Variants in PHF21B observed in about 807,000 individuals in gnomAD.
The protein encoded by PHF21B is PHD finger protein 4.
Under a neutral mutation model 62.2 loss-of-function variants are expected in PHF21B, and 22 were observed. The observed-to-expected ratio is 0.35, with a 90% CI of 0.25 to 0.51. The LOEUF is 0.51. Ranked by LOEUF, PHF21B falls within the 20% of genes least tolerant of loss-of-function variation. PHF21B has a pLI of 0.97. For synonymous variants in PHF21B, 341 were observed against 314.7 expected (o/e 1.08, Z -0.88); for missense variants, 701 against 707.9 (o/e 0.99, Z 0.11).
In PHF21B at chr22:44,960,006, G is replaced by A. The variant is rs367995631; in HGVS notation, c.121-39516C>T. On this transcript the variant is annotated intron_variant, in intron 2 of 12. Transcript: ENST00000313237. Reference sequence around the variant, plus strand: ...CTCCACCCCAGAGAGCGGGCCCTCCGCTGTGTGACCTCAGCACCGGACGTG... The same window carrying A: ...CTCCACCCCAGAGAGCGGGCCCTCCACTGTGTGACCTCAGCACCGGACGTG... 2.2e-4 allele frequency among the ~76,000 whole-genome samples: 33 copies of A among 152,348 alleles called. No homozygotes were observed. The East Asian group carries it at 2.5e-3, about 12-fold the overall frequency.
intron 2 of PHF21B, among the ~76,000 whole-genome samples, chr22:44,982,618 T>G (rs568242987): frequency 1.3e-5 from 2 of 152,284 alleles, no homozygotes; most frequent in South Asian, 4.1e-4. Context: ...GAGACGCACA[T>G]AACCAAGAAG....
intron 2 of PHF21B, among the ~76,000 whole-genome samples, chr22:44,955,949 C>T (rs976698217): frequency 4.6e-5 from 7 of 152,198 alleles, no homozygotes; most frequent in African/African-American, 9.6e-5. Flanking sequence ...GCTGAGGGCA[C>T]GCACTTCCCT....
At chr22:44,909,665 C>A (rs565393352) in intron 5 of PHF21B, among the ~76,000 whole-genome samples, 2 of 152,258 alleles carry the variant, frequency 1.3e-5, no homozygotes, top group Admixed American at 6.5e-5. Context: ...GTCTTCACCC[C>A]CTACTGCAGT....
intron 4 of PHF21B, 56 bp from the exon 5 acceptor site, chr22:44,914,144 G>A: frequency 1.7e-6 from 1 of 581,792 alleles, no homozygotes. Flanking sequence ...GGGGGCTGGG[G>A]AGGTAGCTGG....
chr22:44,992,357 CGCACT>C (rs2073055109), intron 2 of PHF21B, among the ~76,000 whole-genome samples: 1 of 152,210 alleles, frequency 6.6e-6, no homozygotes. Flanking sequence ...GCAGCGTGGA[CGCACT>C]CAATGCCAGG....
At chr22:44,996,140 C>T (rs895881013) in intron 2 of PHF21B, among the ~76,000 whole-genome samples, 7 of 152,158 alleles carry the variant, frequency 4.6e-5, no homozygotes, top group African/African-American at 1.4e-4. Flanking sequence ...GGCCATGCTG[C>T]CCCCAGCTGA....
At chr22:44,973,850 C>T (rs1432375984) in intron 2 of PHF21B, among the ~76,000 whole-genome samples, 1 of 152,172 alleles carries the variant, frequency 6.6e-6, no homozygotes, top group African/African-American at 2.4e-5. Context: ...ACTGGGAAGT[C>T]AGGGAAGACT....
intron 2 of PHF21B, among the ~76,000 whole-genome samples, chr22:44,948,655 C>T (rs1199671680): frequency 2.0e-5 from 3 of 149,808 alleles, no homozygotes; most frequent in Non-Finnish European, 4.4e-5. Context: ...TGTGCCACTG[C>T]ACTCCAGCAT....
chr22:44,934,308 A>C (rs2071802356), intron 2 of PHF21B, among the ~76,000 whole-genome samples: 1 of 152,158 alleles, frequency 6.6e-6, no homozygotes, highest in African/African-American at 2.4e-5. Context: ...GTACCCAGCC[A>C]CCCATCACCG....
intron 10 of PHF21B, 48 bp downstream of exon 10, chr22:44,887,915 G>A (rs1399477206): frequency 2.2e-5 from 30 of 1,388,512 alleles, no homozygotes; most frequent in Non-Finnish European, 2.3e-5. Context: ...CCTACGGTGG[G>A]GACCTCCATG....
At chr22:44,958,131 G>C (rs761345720) in intron 2 of PHF21B, among the ~76,000 whole-genome samples, 6 of 152,096 alleles carry the variant, frequency 3.9e-5, no homozygotes, top group Admixed American at 2.0e-4. Context: ...TCGAACTCCC[G>C]ACCTCAGGTG....
chr22:44,989,388 C>T (rs2073005746), intron 2 of PHF21B: 1 of 152,122 alleles, frequency 6.6e-6, no homozygotes, highest in South Asian at 2.1e-4. Flanking sequence ...AGCCCTCAAA[C>T]CTCGCTTTTT....
At chr22:44,965,759 C>T (rs1046351047) in intron 2 of PHF21B, among the ~76,000 whole-genome samples, 13 of 152,216 alleles carry the variant, frequency 8.5e-5, no homozygotes, top group Admixed American at 3.9e-4. Context: ...GACTGCCACA[C>T]TGGAGCCACT....
intron 2 of PHF21B, among the ~76,000 whole-genome samples, chr22:44,943,580 T>C (rs1450237582): frequency 6.6e-6 from 1 of 152,046 alleles, no homozygotes. Flanking sequence ...CCGCGGGCTC[T>C]AGAGTCCTGG....
In PHF21B at chr22:44,914,118, G is replaced by A. The variant is rs563951685; in HGVS notation, c.565-30C>T. The A allele has an allele frequency of 2.6e-4, 176 of 668,678 alleles. No individual in the cohort carries two copies. The East Asian group carries it at 4.0e-3, about 15-fold the overall frequency. 41.4% of individuals were successfully genotyped at this position (668,678 alleles called of 1,614,324 possible). On this transcript the variant is annotated intron_variant, in intron 4 of 12. Transcript: ENST00000313237. Reference sequence around the variant, plus strand: ...AGAGCGAGGGTGAGGGGCACAGGGAGGAAGGGAAGAGTGAGGGGGGCTGGG... The same window carrying A: ...AGAGCGAGGGTGAGGGGCACAGGGAAGAAGGGAAGAGTGAGGGGGGCTGGG...
Position 44,883,112 on chromosome 22 carries a change from C to G in PHF21B, c.1570G>C (p.Val524Leu). The change falls in exon 13 of 13, where the codon GTC becomes CTC. Residue 524 changes from valine to leucine, a missense_variant. By Grantham distance (32) the Val-to-Leu change is conservative. Transcript: ENST00000313237. ...CAGTTGTGGCCCTGGGGGTGCTGGACGGTGGGGTGTGTGGCTGCCACTGAG... is the reference window on the plus strand; with the variant it reads ...CAGTTGTGGCCCTGGGGGTGCTGGAGGGTGGGGTGTGTGGCTGCCACTGAG... ...KPSVAATHPT[V>L]QHPQGHN 1 of 1,611,748 alleles carries G rather than the reference C, an allele frequency of 6.2e-7. No homozygotes were observed.
At chr22:44,929,876 G>A (rs919920839) in intron 2 of PHF21B, among the ~76,000 whole-genome samples, 1 of 152,194 alleles carries the variant, frequency 6.6e-6, no homozygotes, top group Non-Finnish European at 1.5e-5. Flanking sequence ...CTGGAGGGAG[G>A]GGAGGCGACA....
At chr22:44,917,056 T>G (rs754934904) in intron 3 of PHF21B, among the ~76,000 whole-genome samples, 49 of 152,334 alleles carry the variant, frequency 3.2e-4, no homozygotes, top group Non-Finnish European at 5.1e-4. Flanking sequence ...CGAGGGCTCC[T>G]GGGCCTTGCC....
chr22:44,897,713 G>A (rs2147267256), intron 5 of PHF21B, among the ~76,000 whole-genome samples: 1 of 152,252 alleles, frequency 6.6e-6, no homozygotes, highest in East Asian at 1.9e-4. Context: ...TCATTACTGG[G>A]AGTTCCTGTA....
Sources: allele counts gnomAD v4.1 joint callset (sites outside exome capture counted in the v4.1 genomes callset), GRCh38; gene constraint gnomAD v4.1.1; transcripts MANE v1.5; gene names NCBI Gene and HGNC (gene_info 2026-07-23, HGNC 2026-07-21).